Variants in PRRC2A observed in about 807,000 individuals in gnomAD.
PRRC2A encodes the protein protein PRRC2A.
In PRRC2A, 59 loss-of-function variants were observed where a neutral mutation model predicts 224.6. The observed-to-expected ratio is 0.26, with a 90% CI of 0.21 to 0.33. PRRC2A has a LOEUF of 0.33. Ranked by LOEUF, PRRC2A falls within the 10% of genes least tolerant of loss-of-function variation. The pLI, the probability that PRRC2A is intolerant of heterozygous loss-of-function variation, is 1.00. For missense variants in PRRC2A, 3,095 were observed against 2,880.7 expected (o/e 1.07, Z -1.70); for synonymous variants, 1,194 against 1,109.5 (o/e 1.08, Z -1.51).
Position 31,632,828 on chromosome 6 carries a change from C to T in PRRC2A, c.4155C>T (p.Phe1385=). The part of the protein sequence containing the change: ...QRAKDLSKRS[F]SSQRPGMERQ... ...CCAAGGATTTGAGTAAACGGAGCTT[C>T]TCAAGTCAGCGGCCAGGCATGGAAC... Residue 1385 remains phenylalanine (F), a synonymous_variant, in exon 16 of 31, where the codon TTC becomes TTT. Transcript: ENST00000376033. The T allele has an allele frequency of 6.2e-7, 1 of 1,613,162 alleles. No individual in the cohort carries two copies. The highest frequency in any genetic ancestry group is 8.5e-7 in the Non-Finnish European group (1 of 1,180,036).
At position 31,633,559 on chromosome 6, in the gene PRRC2A, G is replaced by A. The variant is rs1428028148; in HGVS notation, c.4500G>A (p.Lys1500=). The change falls in exon 17 of 31, where the codon AAG becomes AAA. Residue 1500 remains lysine (K), a synonymous_variant. Transcript: ENST00000376033. ...VTAPGGHPRH[K]PGLPQAPQGP... ...CACCAGGGGGTCATCCAAGGCACAA[G>A]CCTGGGCTTCCCCAAGCCCCTCAGG... The A allele has an allele frequency of 5.0e-6, 8 of 1,613,060 alleles. No individual in the cohort carries two copies. The highest frequency in any genetic ancestry group is 2.2e-5 in the East Asian group (1 of 44,882).
At chr6:31,623,416 C>T (rs554378442) in intron 2 of PRRC2A, among the ~76,000 whole-genome samples, 45 of 151,880 alleles carry the variant, frequency 3.0e-4, no homozygotes, top group Admixed American at 9.8e-4. Flanking sequence ...TACAGGCATG[C>T]GCCACCACAC....
rs766477212 is a variant in PRRC2A at position 31,629,323 on chromosome 6, C to T, written c.1945C>T (p.Arg649Trp). Residue 649 changes from arginine to tryptophan, a missense_variant, in exon 13 of 31, where the codon CGG (arginine) becomes TGG (tryptophan). By Grantham distance (101) the Arg-to-Trp change is moderately radical. Transcript: ENST00000376033. ...GAAGTCGTTGCCTCCTCGTTTCCAGCGGCAGCAGCAGGTGAAATCAAGTTG... is the reference window on the plus strand; with the variant it reads ...GAAGTCGTTGCCTCCTCGTTTCCAGTGGCAGCAGCAGGTGAAATCAAGTTG... Reference protein sequence around the residue: ...YQKSLPPRFQRQQQEQLLKQQ... With the variant: ...YQKSLPPRFQWQQQEQLLKQQ... 3 of 1,563,622 alleles carry T rather than the reference C, an allele frequency of 1.9e-6. No individual in the cohort carries two copies. Among genetic ancestry groups the T allele is most frequent in the East Asian group, 4.5e-5 (2 of 44,332 alleles).
In PRRC2A at chr6:31,635,407, G is replaced by A. The variant is rs751160523; in HGVS notation, c.5315G>A (p.Arg1772His). ...TTGTGATCACAGGACTCAGACTTACGCCTAGTGGTAGGAGACAGCTTGAAA... is the reference window on the plus strand; with the variant it reads ...TTGTGATCACAGGACTCAGACTTACACCTAGTGGTAGGAGACAGCTTGAAA... ...FGTSDKDSDLRLVVGDSLKAE... is the reference protein window; with the variant it reads ...FGTSDKDSDLHLVVGDSLKAE... Residue 1772 changes from arginine (R) to histidine (H), a missense_variant, in exon 23 of 31, where the codon CGC becomes CAC. Transcript: ENST00000376033. 9.9e-6 allele frequency: 16 copies of A among 1,614,116 alleles called. No homozygotes were observed. The highest frequency in any genetic ancestry group is 3.3e-5 in the Admixed American group (2 of 60,014).
chr6:31,637,530 G>C lies in PRRC2A; in HGVS notation c.6418G>C (p.Ala2140Pro). 1 of 1,591,670 alleles carries C rather than the reference G, an allele frequency of 6.3e-7. No homozygotes were observed. Among genetic ancestry groups the C allele is most frequent in the Non-Finnish European group, 8.6e-7 (1 of 1,169,378 alleles). ...ACCTCGAGAAGGGCCCTCCCGACGG[G>C]CAGAGGAGCCTGGGTCCCGAGGGGA... ...PPPREGPSRRAEEPGSRGDKE... is the reference protein window; with the variant it reads ...PPPREGPSRRPEEPGSRGDKE... The change falls in exon 31 of 31, where the codon GCA becomes CCA. Residue 2140 changes from alanine (A) to proline (P), a missense_variant. Physicochemically the swap from Ala to Pro is conservative, Grantham distance 27. Around this residue, in one of 8 missense-constraint regions of PRRC2A, gnomAD observed 662 missense variants for 609.5 expected, o/e 1.09. Transcript: ENST00000376033.
rs777738037 is a variant in PRRC2A at position 31,631,231 on chromosome 6, G to C, written c.2558G>C (p.Arg853Pro). 15 of 1,610,268 alleles carry C rather than the reference G, an allele frequency of 9.3e-6. No homozygotes were observed. Among genetic ancestry groups the C allele is most frequent in the Admixed American group, 3.4e-5 (2 of 59,138 alleles). Residue 853 changes from arginine to proline, a missense_variant, in exon 16 of 31, where the codon CGC (arginine) becomes CCC (proline). By Grantham distance (103) the Arg-to-Pro change is moderately radical. Around this residue, in one of 8 missense-constraint regions of PRRC2A, gnomAD observed 2,001 missense variants for 1,764.9 expected, o/e 1.13. Transcript: ENST00000376033. The surrounding 1 kb of genome is among the most constrained non-coding windows in gnomAD (Gnocchi z 4.5). ...ENGAPGPPISRFPLEEPGPRP... is the reference protein window; with the variant it reads ...ENGAPGPPISPFPLEEPGPRP... ...GGAGCCCCTGGGCCCCCAATCTCTCGCTTTCCTCTGGAGGAACCAGGGCCC... is the reference window on the plus strand; with the variant it reads ...GGAGCCCCTGGGCCCCCAATCTCTCCCTTTCCTCTGGAGGAACCAGGGCCC...
chr6:31,624,202 G>A, intron 3 of PRRC2A, 59 bp from the exon 4 acceptor site: 4 of 1,498,466 alleles, frequency 2.7e-6, no homozygotes, highest in Non-Finnish European at 3.7e-6. Context: ...GTCTCCACCA[G>A]TTGGAGAAGT....
At position 31,634,480 on chromosome 6, in the gene PRRC2A, C is replaced by G. The variant is rs1480721487; in HGVS notation, c.4858C>G (p.Arg1620Gly). 12 of 1,612,794 alleles carry G rather than the reference C, an allele frequency of 7.4e-6. No homozygotes were observed. The highest frequency in any genetic ancestry group is 9.3e-6 in the Non-Finnish European group (11 of 1,179,976). ...GGTGCTCCCTTCTCCAGCCACTAGC[C>G]GAAAGAGTTACCGGCCCAGCTCCAT... ...IWNRLHTATS[R>G]KSYRPSSMEP... The change falls in exon 20 of 31, where the codon CGA becomes GGA. Residue 1620 changes from arginine to glycine, a missense_variant. Physicochemically the swap from Arg to Gly is moderately radical, Grantham distance 125 (BLOSUM62 -2). This residue lies in a region of PRRC2A where 2,001 missense variants were observed against 1,764.9 expected (regional missense o/e 1.13). Transcript: ENST00000376033.
At position 31,631,873 on chromosome 6, in the gene PRRC2A, G is replaced by T; in HGVS notation, c.3200G>T (p.Gly1067Val). 6.2e-7 allele frequency: 1 copy of T among 1,610,606 alleles called. No individual in the cohort carries two copies. Among genetic ancestry groups the T allele is most frequent in the Non-Finnish European group, 8.5e-7 (1 of 1,179,000 alleles). The change falls in exon 16 of 31, where the codon GGA (glycine) becomes GTA (valine). Residue 1067 changes from glycine to valine, a missense_variant. By Grantham distance (109) the Gly-to-Val change is moderately radical. Transcript: ENST00000376033. This position sits in a 1 kb window ranked among gnomAD's most constrained non-coding sequence, Gnocchi z 4.5. ...YREFRGDDGRGGGTGGPNHPP... is the reference protein window; with the variant it reads ...YREFRGDDGRVGGTGGPNHPP... ...GAGTTTCGAGGAGATGATGGGCGTG[G>T]AGGTGGGACAGGGGGACCAAACCAC...
At position 31,627,305 on chromosome 6, in the gene PRRC2A, C is replaced by A; in HGVS notation, c.1290+107C>A. On this transcript the variant is annotated intron_variant, in intron 11 of 30. Transcript: ENST00000376033. This position sits in a 1 kb window ranked among gnomAD's most constrained non-coding sequence, Gnocchi z 5.6. The stretch of plus-strand genomic sequence containing the variant: ...GAGGAAGGGGGGTGCTAAAAATGGG[C>A]TGTGTGAAGTGCCAGGCTGCAGAAC... The A allele has an allele frequency of 1.2e-6, 1 of 807,796 alleles. No homozygotes were observed. Among genetic ancestry groups the A allele is most frequent in the Non-Finnish European group, 2.0e-6 (1 of 511,394 alleles). The allele number at this position is 807,796 out of a possible 1,614,324, so 50.0% of individuals were successfully genotyped here.
In PRRC2A at chr6:31,629,192, T is replaced by C. The variant is rs1776253617; in HGVS notation, c.1814T>C (p.Val605Ala). The change falls in exon 13 of 31, where the codon GTT becomes GCT. Residue 605 changes from valine (V) to alanine (A), a missense_variant. Around this residue, in one of 8 missense-constraint regions of PRRC2A, gnomAD observed 2,001 missense variants for 1,764.9 expected, o/e 1.13. Transcript: ENST00000376033. The stretch of plus-strand genomic sequence containing the variant: ...GAGGGTCCTGAACCACCAGAAGAGG[T>C]TCCTCCTCCTACCACACCCCCAGTT... Reference protein sequence around the residue: ...SKEGPEPPEEVPPPTTPPVPK... With the variant: ...SKEGPEPPEEAPPPTTPPVPK... 3.1e-6 allele frequency: 5 copies of C among 1,613,878 alleles called. No individual in the cohort carries two copies. Among genetic ancestry groups the C allele is most frequent in the Non-Finnish European group, 4.2e-6 (5 of 1,179,948 alleles).
chr6:31,627,944 C>T lies in PRRC2A; in HGVS notation c.1470C>T (p.Leu490=). The T allele has an allele frequency of 6.2e-7, 1 of 1,612,970 alleles. No individual in the cohort carries two copies. Among genetic ancestry groups the T allele is most frequent in the Non-Finnish European group, 8.5e-7 (1 of 1,179,990 alleles). ...GCCGGGCAGCCTGTGCTGAGAAGCT[C>T]AAGCGACTCGATGAAAAGTTTGGGG... is the stretch of plus-strand genomic sequence containing the variant. The part of the protein sequence containing the change: ...EERRAACAEK[L]KRLDEKFGAP... The change falls in exon 12 of 31, where the codon CTC becomes CTT. Residue 490 remains leucine, a synonymous_variant. Coordinates refer to ENST00000376033, the MANE Select transcript of PRRC2A (RefSeq NM_004638.4). This position sits in a 1 kb window ranked among gnomAD's most constrained non-coding sequence, Gnocchi z 5.6.
intron 22 of PRRC2A, 24 bp downstream of exon 22, chr6:31,635,296 A>G (rs1025387670): frequency 1.2e-6 from 2 of 1,613,874 alleles, no homozygotes; most frequent in South Asian, 2.2e-5. Flanking sequence ...GGATCTGGGT[A>G]TCCTGAGTTG....
intron 12 of PRRC2A, chr6:31,628,555 C>T (rs1483033826): frequency 2.4e-6 from 1 of 416,408 alleles, no homozygotes; most frequent in Non-Finnish European, 4.2e-6. Context: ...CAAAGCAAGA[C>T]CCTGTCGGCC....
Position 31,636,328 on chromosome 6 carries a change from T to C in PRRC2A, c.5744T>C (p.Leu1915Ser). The C allele has an allele frequency of 6.2e-7, 1 of 1,613,068 alleles. No homozygotes were observed. ...STMQATELGK[L>S]PAGGVLYPPP... ...ATGCAAGCTACAGAGCTGGGGAAGT[T>C]GCCGGCTGGAGGAGTTCTCTACCCT... Residue 1915 changes from leucine to serine, a missense_variant, in exon 26 of 31, where the codon TTG (leucine) becomes TCG (serine). Coordinates refer to ENST00000376033, the MANE Select transcript of PRRC2A (RefSeq NM_004638.4). This position sits in a 1 kb window ranked among gnomAD's most constrained non-coding sequence, Gnocchi z 4.3.
Position 31,634,745 on chromosome 6 carries a change from CCT to C in PRRC2A, c.4936-4_4936-3del. The C allele has an allele frequency of 6.2e-7, 1 of 1,610,946 alleles. No homozygotes were observed. The highest frequency in any genetic ancestry group is 8.5e-7 in the Non-Finnish European group (1 of 1,178,982). On this transcript the variant is annotated splice_polypyrimidine_tract_variant and splice_region_variant and intron_variant, in intron 20 of 30. Coordinates refer to ENST00000376033, the MANE Select transcript of PRRC2A (RefSeq NM_004638.4). The stretch of plus-strand genomic sequence containing the variant: ...TGACTTAACTAGCTCCTTCTCCACT[CCT>C]CTCAGATGAGTCAGTCTGACAGTGG...
In PRRC2A at chr6:31,625,383, TTC is replaced by T; in HGVS notation, c.607+70_607+71del. ...AGAGCTAGGTGCTGGCTTATTCACC[TTC>T]CTCCCCATCACTTTCAGCTGTGTTC... is the stretch of plus-strand genomic sequence containing the variant. On this transcript the variant is annotated intron_variant, in intron 6 of 30. Coordinates refer to ENST00000376033, the MANE Select transcript of PRRC2A (RefSeq NM_004638.4). The surrounding 1 kb of genome is among the most constrained non-coding windows in gnomAD (Gnocchi z 4.1). 6.2e-7 allele frequency: 1 copy of T among 1,613,054 alleles called. No homozygotes were observed. Among genetic ancestry groups the T allele is most frequent in the Non-Finnish European group, 8.5e-7 (1 of 1,178,976 alleles).
At position 31,632,502 on chromosome 6, in the gene PRRC2A, C is replaced by G; in HGVS notation, c.3829C>G (p.Leu1277Val). ...AAGGGGGTCTGAGGGCAAGCCCTCC[C>G]TAACCCTTCCAGCCTCCGCTCCTGG... ...AARGSEGKPS[L>V]TLPASAPGPE... The change falls in exon 16 of 31, where the codon CTA becomes GTA. Residue 1277 changes from leucine (L) to valine (V), a missense_variant. Leu to Val is a conservative substitution (Grantham distance 32). Transcript: ENST00000376033. The G allele has an allele frequency of 6.2e-7, 1 of 1,608,716 alleles. No homozygotes were observed. The highest frequency in any genetic ancestry group is 1.1e-5 in the South Asian group (1 of 90,774).
In PRRC2A at chr6:31,635,409, C is replaced by A; in HGVS notation, c.5317C>A (p.Leu1773Ile). The change falls in exon 23 of 31, where the codon CTA becomes ATA. Residue 1773 changes from leucine to isoleucine, a missense_variant. Leu to Ile is a conservative substitution (Grantham distance 5). Coordinates refer to ENST00000376033, the MANE Select transcript of PRRC2A (RefSeq NM_004638.4). ...GTSDKDSDLR[L>I]VVGDSLKAEK... ...GTGATCACAGGACTCAGACTTACGC[C>A]TAGTGGTAGGAGACAGCTTGAAAGC... 6.2e-7 allele frequency: 1 copy of A among 1,614,206 alleles called. No individual in the cohort carries two copies. Among genetic ancestry groups the A allele is most frequent in the Non-Finnish European group, 8.5e-7 (1 of 1,180,032 alleles).
Sources: allele counts gnomAD v4.1 joint callset (sites outside exome capture counted in the v4.1 genomes callset), GRCh38; gene constraint gnomAD v4.1.1; regional missense constraint gnomAD v4.1.1; non-coding constraint Gnocchi (gnomAD v3.1); transcripts MANE v1.5; gene names NCBI Gene and HGNC (gene_info 2026-07-23, HGNC 2026-07-21).